The following TAFA2 variants were observed in gnomAD, a reference collection of about 807,000 sequenced individuals.
TAFA2 encodes the protein chemokine-like protein TAFA-2.
TAFA2 carries 7 observed loss-of-function variants against 18.8 expected under a neutral mutation model. The observed-to-expected ratio is 0.37, with a 90% CI of 0.21 to 0.70. The LOEUF is 0.70. TAFA2 is among the 30% of genes least tolerant of loss of function. The pLI is 0.53. For synonymous variants in TAFA2, 60 were observed against 54.2 expected (o/e 1.11, Z -0.47); for missense variants, 122 against 158.1 (o/e 0.77, Z 1.23).
intron 2 of TAFA2, among the ~76,000 whole-genome samples, chr12:61,859,188 C>A (rs1443321422): frequency 2.6e-5 from 4 of 152,186 alleles, no homozygotes; most frequent in Non-Finnish European, 5.9e-5. Context: ...AAGCAGGCAC[C>A]TTCTTCACAG....
intron 2 of TAFA2, among the ~76,000 whole-genome samples, chr12:61,834,948 T>C (rs1310733114): frequency 6.6e-6 from 1 of 152,006 alleles, no homozygotes; most frequent in Non-Finnish European, 1.5e-5. Context: ...TCTTGGAACA[T>C]GTTCTTTTTT....
chr12:62,257,182 G>A (rs143939769), intron 1 of TAFA2, among the ~76,000 whole-genome samples: 5 of 15,886 alleles, frequency 3.1e-4, no homozygotes, highest in East Asian at 2.4e-3. Context: ...GTGTGTGTGT[G>A]TGTGTGTGTG....
chr12:62,072,974 C>A (rs1882670847), intron 1 of TAFA2, among the ~76,000 whole-genome samples: 1 of 152,288 alleles, frequency 6.6e-6, no homozygotes, highest in South Asian at 2.1e-4. Flanking sequence ...GCCCATCAAC[C>A]TAAAAAATGT....
intron 1 of TAFA2, among the ~76,000 whole-genome samples, chr12:62,206,204 C>G (rs542054041): frequency 1.6e-3 from 241 of 152,268 alleles, no homozygotes; most frequent in African/African-American, 5.7e-3. Context: ...TATCAGCCAA[C>G]CAGCCAGCCT....
intron 4 of TAFA2, among the ~76,000 whole-genome samples, chr12:61,731,425 C>T (rs1019469095): frequency 2.6e-5 from 4 of 152,096 alleles, no homozygotes; most frequent in African/African-American, 9.7e-5. Flanking sequence ...GTCCTACCTC[C>T]TATCTGCCAT....
chr12:61,869,180 A>T (rs1011967300), intron 1 of TAFA2, among the ~76,000 whole-genome samples: 8 of 152,210 alleles, frequency 5.3e-5, no homozygotes, highest in African/African-American at 1.9e-4. Context: ...AAGATAACAT[A>T]CAAGAAGATA....
intron 4 of TAFA2, among the ~76,000 whole-genome samples, chr12:61,725,065 T>C (rs1870095680): frequency 6.6e-6 from 1 of 151,968 alleles, no homozygotes; most frequent in Non-Finnish European, 1.5e-5. Context: ...GAGCATGTTT[T>C]TATGTTTGTT....
At chr12:62,129,992 C>T (rs142343764) in intron 1 of TAFA2, among the ~76,000 whole-genome samples, 129 of 152,078 alleles carry the variant, frequency 8.5e-4, no homozygotes, top group African/African-American at 2.9e-3. Context: ...ACTCCATTAC[C>T]CAGCATATCA....
intron 1 of TAFA2, among the ~76,000 whole-genome samples, chr12:61,971,726 G>A (rs1272356898): frequency 6.6e-6 from 1 of 151,414 alleles, no homozygotes; most frequent in Non-Finnish European, 1.5e-5. Flanking sequence ...CATGTTGTGG[G>A]GTAGGGGGCT....
In TAFA2 at chr12:62,119,996, C is replaced by A. The variant is rs549824441; in HGVS notation, c.-2+71263G>T. Among the ~76,000 whole-genome samples, 12 of 151,818 alleles carry A rather than the reference C, an allele frequency of 7.9e-5. No individual in the cohort carries two copies. In the South Asian group the frequency reaches 1.5e-3, roughly 18 times the overall value. On this transcript the variant is annotated intron_variant, in intron 1 of 4. Transcript: ENST00000416284. ...ATTGAGGCAGGAGAATCACTTGAAC[C>A]TGGGAGGCAGAAGTTCTGGTGCGCC... is the stretch of plus-strand genomic sequence containing the variant.
In TAFA2 at chr12:61,800,460, T is replaced by C. The variant is rs77806928; in HGVS notation, c.107-45436A>G. Among the ~76,000 whole-genome samples the C allele has an allele frequency of 5.8e-4, 88 of 152,240 alleles. No individual in the cohort carries two copies. In the East Asian group the frequency reaches 0.011, roughly 19 times the overall value. On this transcript the variant is annotated intron_variant, in intron 2 of 4. Transcript: ENST00000416284. Reference sequence around the variant, plus strand: ...ACAAGAAAGAGATTTATTTGAACAATTGAATTAGTGTTCAGGGCCCAATAC... The same window carrying C: ...ACAAGAAAGAGATTTATTTGAACAACTGAATTAGTGTTCAGGGCCCAATAC...
chr12:61,880,622 C>A (rs2121269310), intron 1 of TAFA2: 1 of 412,172 alleles, frequency 2.4e-6, no homozygotes, highest in Non-Finnish European at 4.8e-6. Context: ...CACAAGCCCC[C>A]CTCCTCAGCT....
At chr12:61,772,676 C>T (rs576748728) in intron 2 of TAFA2, among the ~76,000 whole-genome samples, 4 of 151,942 alleles carry the variant, frequency 2.6e-5, no homozygotes, top group African/African-American at 9.6e-5. Context: ...ATGATTAAAA[C>T]CCTCAGCAAA....
At chr12:61,886,792 G>T (rs12580451) in intron 1 of TAFA2, among the ~76,000 whole-genome samples, 4,898 of 152,190 alleles carry the variant, frequency 0.032, 133 homozygotes, top group East Asian at 0.097. Context: ...CATGAATTGG[G>T]GGGCTATTGG....
At chr12:61,871,820 C>T (rs907687108) in intron 1 of TAFA2, among the ~76,000 whole-genome samples, 2 of 152,148 alleles carry the variant, frequency 1.3e-5, no homozygotes, top group African/African-American at 2.4e-5. Context: ...TGGCCAGATG[C>T]GGTTGTTCAT....
chr12:61,930,672 A>G (rs1363333046), intron 1 of TAFA2, among the ~76,000 whole-genome samples: 1 of 152,254 alleles, frequency 6.6e-6, no homozygotes, highest in Non-Finnish European at 1.5e-5. Flanking sequence ...TTAGGACATT[A>G]GACTCGGTGA....
rs572768277 is a variant in TAFA2, at chr12:61,768,214, A to G, written c.107-13190T>C. On this transcript the variant is annotated intron_variant, in intron 2 of 4. Coordinates refer to ENST00000416284, the MANE Select transcript of TAFA2 (RefSeq NM_178539.5). Reference sequence around the variant, plus strand: ...ACACAAAAACTAAAATAAATTATCCATGAAAGAAAGAATAGATAAGCTGAA... The same window carrying G: ...ACACAAAAACTAAAATAAATTATCCGTGAAAGAAAGAATAGATAAGCTGAA... Among the ~76,000 whole-genome samples the G allele has an allele frequency of 2.6e-5, 4 of 152,180 alleles. No homozygotes were observed. In the South Asian group the frequency reaches 6.2e-4, roughly 24 times the overall value.
chr12:61,910,362 TA>T (rs1876557676), intron 1 of TAFA2, among the ~76,000 whole-genome samples: 2 of 152,106 alleles, frequency 1.3e-5, no homozygotes, highest in Admixed American at 6.6e-5. Context: ...AAGAAATAAC[TA>T]AAAACTGATG....
intron 1 of TAFA2, among the ~76,000 whole-genome samples, chr12:61,973,447 TATA>T (rs1879324757): frequency 6.6e-6 from 1 of 151,228 alleles, no homozygotes; most frequent in Non-Finnish European, 1.5e-5. Flanking sequence ...ATTTAGTTCT[TATA>T]ATAATTCTTT....
Sources: gnomAD v4.1 joint callset for allele counts (sites outside exome capture counted in the v4.1 genomes callset) on GRCh38, gnomAD v4.1.1 for gene constraint, MANE v1.5 for transcripts, NCBI Gene and HGNC (gene_info 2026-07-23, HGNC 2026-07-21) for gene names.